Variants in PREX1 observed in about 807,000 individuals in gnomAD.
PREX1 encodes phosphatidylinositol-3,4,5-trisphosphate dependent Rac exchange factor 1.
Under a neutral mutation model 198.3 loss-of-function variants are expected in PREX1, and 41 were observed. The observed-to-expected ratio is 0.21, with a 90% CI of 0.16 to 0.27. PREX1 has a LOEUF of 0.27. Among genes scored for constraint, PREX1 ranks in the 10% least tolerant of loss-of-function variants. PREX1 has a pLI of 1.00. For synonymous variants in PREX1, 843 were observed against 887.2 expected (o/e 0.95, Z 0.89); for missense variants, 1,620 against 2,200.7 (o/e 0.74, Z 5.28).
At chr20:48,675,300 C>T (rs2089700736) in intron 14 of PREX1, among the ~76,000 whole-genome samples, 3 of 152,226 alleles carry the variant, frequency 2.0e-5, no homozygotes. Context: ...GACACCGAAC[C>T]TGCCGGCACC....
In PREX1 at chr20:48,650,080, G is replaced by A. The variant is rs771055527; in HGVS notation, c.2944C>T (p.Pro982Ser). ...CHINLMEVSY[P>S]KTTPSVGRSF... ...CTGCCCACTGAGGGGGTGGTCTTGG[G>A]GTAGGACACTTCCATGAGGTTGATG... Residue 982 changes from proline to serine, a missense_variant, in exon 24 of 40, where the codon CCC becomes TCC. Around this residue, in one of 7 missense-constraint regions of PREX1, gnomAD observed 514 missense variants for 611.6 expected, o/e 0.84. Coordinates refer to ENST00000371941, the MANE Select transcript of PREX1 (RefSeq NM_020820.4). 5.0e-6 allele frequency: 8 copies of A among 1,614,090 alleles called. No homozygotes were observed. Among genetic ancestry groups the A allele is most frequent in the Non-Finnish European group, 6.8e-6 (8 of 1,180,040 alleles).
intron 1 of PREX1, among the ~76,000 whole-genome samples, chr20:48,801,761 C>T (rs370720963): frequency 3.3e-5 from 5 of 152,170 alleles, no homozygotes; most frequent in African/African-American, 9.7e-5. Flanking sequence ...CCCAGTGAGG[C>T]GATGTTGAGA....
chr20:48,744,590 ACAGCCCAACGGGG>A (rs1378773827), intron 3 of PREX1, among the ~76,000 whole-genome samples: 2 of 152,210 alleles, frequency 1.3e-5, no homozygotes, highest in Non-Finnish European at 2.9e-5. Context: ...TCTCTGACCA[ACAGCCCAACGGGG>A]CACCCCAGGA....
intron 7 of PREX1, among the ~76,000 whole-genome samples, chr20:48,693,183 A>AGTCT (rs1555835921): frequency 4.0e-5 from 5 of 123,660 alleles, no homozygotes; most frequent in African/African-American, 1.5e-4. Flanking sequence ...TGGAACTGGC[A>AGTCT]GTCCGTCCAT....
At position 48,624,897 on chromosome 20, in the gene PREX1, T is replaced by G. The variant is rs2089258242; in HGVS notation, c.*988A>C. ...CTCTCAGGCCCTTGTAGCCAGTCACTCAAAGAGAGCGAGTTCTAACACCGG... is the reference window on the plus strand; with the variant it reads ...CTCTCAGGCCCTTGTAGCCAGTCACGCAAAGAGAGCGAGTTCTAACACCGG... On this transcript the variant is annotated 3_prime_UTR_variant, in exon 40 of 40. Coordinates refer to ENST00000371941, the MANE Select transcript of PREX1 (RefSeq NM_020820.4). 1 of 152,168 alleles carries G rather than the reference T, an allele frequency of 6.6e-6. No individual in the cohort carries two copies. Among genetic ancestry groups the G allele is most frequent in the South Asian group, 2.1e-4 (1 of 4,826 alleles). The allele number at this position is 152,168 out of a possible 1,614,324, so 9.4% of individuals were successfully genotyped here. A position where few individuals can be genotyped will look rare whatever the true frequency, so the allele number is the denominator to read the frequency against.
At chr20:48,780,511 T>C (rs957390377) in intron 1 of PREX1, among the ~76,000 whole-genome samples, 1 of 151,708 alleles carries the variant, frequency 6.6e-6, no homozygotes, top group Non-Finnish European at 1.5e-5. Flanking sequence ...AGAAAAAAAA[T>C]AGAGGAGGCA....
At chr20:48,672,840 C>G (rs2089685247) in intron 14 of PREX1, among the ~76,000 whole-genome samples, 1 of 152,192 alleles carries the variant, frequency 6.6e-6, no homozygotes, top group Admixed American at 6.5e-5. Context: ...ACACCGTTCC[C>G]TCCACCACAT....
intron 5 of PREX1, among the ~76,000 whole-genome samples, chr20:48,719,131 G>T (rs913116523): frequency 6.6e-6 from 1 of 152,210 alleles, no homozygotes; most frequent in Admixed American, 6.5e-5. Flanking sequence ...TCAGCAACTT[G>T]CCCTTGGTCA....
At chr20:48,793,042 T>A (rs2122978647) in intron 1 of PREX1, among the ~76,000 whole-genome samples, 1 of 152,130 alleles carries the variant, frequency 6.6e-6, no homozygotes, top group South Asian at 2.1e-4. Flanking sequence ...CCATATCTAC[T>A]AAAAATACAA....
intron 1 of PREX1, among the ~76,000 whole-genome samples, chr20:48,756,568 C>T (rs944937547): frequency 6.6e-6 from 1 of 152,028 alleles, no homozygotes. Context: ...TTATATAGTC[C>T]ACAGCACAAA....
At chr20:48,654,766 AG>A (rs2089529524) in intron 19 of PREX1, among the ~76,000 whole-genome samples, 1 of 152,254 alleles carries the variant, frequency 6.6e-6, no homozygotes, top group African/African-American at 2.4e-5. Flanking sequence ...ATGCAAAAAA[AG>A]TTTGGGGGCC....
chr20:48,852,550 A>T, the PREX1 span, among the ~76,000 whole-genome samples: 1 of 152,216 alleles, frequency 6.6e-6, no homozygotes, highest in African/African-American at 2.4e-5. Context: ...CACCCCGGTC[A>T]TCTTTTTAAA....
chr20:48,692,308 A>G (rs1433986304), intron 8 of PREX1: 1 of 202,358 alleles, frequency 4.9e-6, no homozygotes, highest in Non-Finnish European at 1.0e-5. Context: ...ATATGTAATC[A>G]TGTAACCACT....
intron 1 of PREX1, among the ~76,000 whole-genome samples, chr20:48,786,071 C>A (rs2090310765): frequency 6.6e-6 from 1 of 152,116 alleles, no homozygotes; most frequent in Admixed American, 6.5e-5. Flanking sequence ...TGGGGCTGGG[C>A]TGGACCCGAG....
intron 27 of PREX1, chr20:48,642,752 A>C (rs1190922736): frequency 2.7e-6 from 1 of 371,290 alleles, no homozygotes; most frequent in East Asian, 4.5e-5. Flanking sequence ...TCTGCAAATG[A>C]GGGACTGAGG....
chr20:48,772,527 G>A (rs576515251), intron 1 of PREX1, among the ~76,000 whole-genome samples: 1 of 152,210 alleles, frequency 6.6e-6, no homozygotes, highest in Non-Finnish European at 1.5e-5. Flanking sequence ...CACCAACCAC[G>A]GGACACAGAC....
upstream of PREX1, among the ~76,000 whole-genome samples, chr20:48,828,235 C>T (rs1017521679): frequency 1.3e-4 from 19 of 151,544 alleles, no homozygotes; most frequent in South Asian, 1.0e-3. Context: ...GGGCGGGAGC[C>T]TCCGGAAGGG....
intron 1 of PREX1, among the ~76,000 whole-genome samples, chr20:48,801,623 G>T (rs2090387137): frequency 6.6e-6 from 1 of 152,148 alleles, no homozygotes; most frequent in Non-Finnish European, 1.5e-5. Context: ...CCTGGGCCAG[G>T]ACACCCACGT....
intron 1 of PREX1, among the ~76,000 whole-genome samples, chr20:48,786,228 A>C (rs1337233522): frequency 6.6e-6 from 1 of 152,180 alleles, no homozygotes; most frequent in African/African-American, 2.4e-5. Context: ...GGTGGTAAGC[A>C]GCTGGACCCC....
Sources: allele counts gnomAD v4.1 joint callset (sites outside exome capture counted in the v4.1 genomes callset), GRCh38; gene constraint gnomAD v4.1.1; regional missense constraint gnomAD v4.1.1; transcripts MANE v1.5; gene names NCBI Gene and HGNC (gene_info 2026-07-23, HGNC 2026-07-21).